CSMD1: variants seen among roughly 807,000 people sequenced by gnomAD.
The protein encoded by CSMD1 is CUB and sushi domain-containing protein 1.
CSMD1 carries 213 observed loss-of-function variants against 417.5 expected under a neutral mutation model. The ratio of observed to expected loss-of-function variants is 0.51; its 90% CI spans 0.46 to 0.57. CSMD1 has a LOEUF of 0.57. Ranked by LOEUF, CSMD1 falls within the 20% of genes least tolerant of loss-of-function variation. The pLI is 0.00. For synonymous variants in CSMD1, 2,862 were observed against 1,736.8 expected, an observed-to-expected ratio of 1.65 and a Z score of -16.11; for missense variants, 6,923 against 4,529.7, an observed-to-expected ratio of 1.53 and a Z score of -15.17.
intron 2 of CSMD1, among the ~76,000 whole-genome samples, chr8:4,422,124 G>C (rs972419261): frequency 6.6e-6 from 1 of 152,072 alleles, no homozygotes; most frequent in South Asian, 2.1e-4. Context: ...TTATCCTATA[G>C]CTATTAAAAC....
chr8:3,066,244 C>A (rs1038355555), intron 49 of CSMD1, among the ~76,000 whole-genome samples: 5 of 152,170 alleles, frequency 3.3e-5, no homozygotes, highest in Non-Finnish European at 5.9e-5. Context: ...TGAAGCATTT[C>A]AATATCCAAA....
intron 2 of CSMD1, among the ~76,000 whole-genome samples, chr8:4,431,453 C>A (rs549868165): frequency 6.6e-6 from 1 of 151,996 alleles, no homozygotes; most frequent in African/African-American, 2.4e-5. Flanking sequence ...AGCACACAGT[C>A]AGGAGAGGAG....
At chr8:4,944,778 C>A (rs1459810238) in intron 1 of CSMD1, among the ~76,000 whole-genome samples, 2 of 152,026 alleles carry the variant, frequency 1.3e-5, no homozygotes, top group African/African-American at 4.8e-5. Flanking sequence ...AAAGGGATGG[C>A]AAACCCGCTG....
At chr8:3,272,642 T>G (rs950193137) in intron 26 of CSMD1, among the ~76,000 whole-genome samples, 8 of 138,442 alleles carry the variant, frequency 5.8e-5, no homozygotes, top group Non-Finnish European at 9.4e-5. Context: ...GAAGAGGTCC[T>G]TCACATCCCT....
intron 11 of CSMD1, among the ~76,000 whole-genome samples, chr8:3,481,431 G>A (rs572472118): frequency 4.6e-5 from 7 of 152,080 alleles, no homozygotes; most frequent in Admixed American, 3.3e-4. Flanking sequence ...GGGGTAAAGG[G>A]CCCTAAATGC....
Position 3,064,043 on chromosome 8 carries a change from C to T in CSMD1, c.7475-11396G>A, listed in dbSNP as rs573387766. Among the ~76,000 whole-genome samples the T allele has an allele frequency of 5.9e-5, 9 of 152,294 alleles. 1 individual carries two copies. The South Asian group carries it at 1.4e-3, about 25-fold the overall frequency. On this transcript the variant is annotated intron_variant, in intron 49 of 69. Coordinates refer to ENST00000635120, the MANE Select transcript of CSMD1 (RefSeq NM_033225.6). ...ACATTAAGTCTTGCTGCACAATAGCCAATCAGTACTTTTCAATTTTCATTC... is the reference window on the plus strand; with the variant it reads ...ACATTAAGTCTTGCTGCACAATAGCTAATCAGTACTTTTCAATTTTCATTC...
At chr8:3,724,915 C>A (rs1440389955) in intron 6 of CSMD1, among the ~76,000 whole-genome samples, 1 of 152,220 alleles carries the variant, frequency 6.6e-6, no homozygotes, top group African/African-American at 2.4e-5. Flanking sequence ...TAAAGAAGCA[C>A]ATGCCCCACT....
chr8:4,171,277 T>C (rs937556450), intron 3 of CSMD1, among the ~76,000 whole-genome samples: 2 of 151,954 alleles, frequency 1.3e-5, no homozygotes, highest in African/African-American at 2.4e-5. Flanking sequence ...TTCATTCACC[T>C]GGCATTTATT....
intron 1 of CSMD1, among the ~76,000 whole-genome samples, chr8:4,882,737 T>G (rs9650520): frequency 6.6e-6 from 1 of 151,896 alleles, no homozygotes; most frequent in African/African-American, 2.4e-5. Flanking sequence ...TAATATGTTA[T>G]AATATTATAA....
chr8:4,678,494 G>T (rs115123535), intron 1 of CSMD1, among the ~76,000 whole-genome samples: 298 of 152,254 alleles, frequency 2.0e-3, no homozygotes, highest in African/African-American at 7.1e-3. Flanking sequence ...AACTACACAT[G>T]ATAGTTCTTG....
chr8:3,161,410 A>G (rs1335013624), intron 38 of CSMD1, among the ~76,000 whole-genome samples: 2 of 152,140 alleles, frequency 1.3e-5, no homozygotes, highest in Non-Finnish European at 2.9e-5. Context: ...TGAGGTCAGG[A>G]GTTCGAGACC....
chr8:4,110,908 G>C (rs1801818006), intron 3 of CSMD1, among the ~76,000 whole-genome samples: 1 of 152,168 alleles, frequency 6.6e-6, no homozygotes, highest in Middle Eastern at 3.4e-3. Context: ...GACATAAAGT[G>C]AGACAATGAC....
intron 25 of CSMD1, among the ~76,000 whole-genome samples, chr8:3,301,062 A>G (rs1353971009): frequency 6.6e-6 from 1 of 152,068 alleles, no homozygotes; most frequent in Non-Finnish European, 1.5e-5. Flanking sequence ...CACACAATAT[A>G]CATTGATACG....
At chr8:4,479,513 C>G (rs146160764) in intron 2 of CSMD1, among the ~76,000 whole-genome samples, 5 of 152,164 alleles carry the variant, frequency 3.3e-5, no homozygotes, top group African/African-American at 1.2e-4. Flanking sequence ...TTCATAAATA[C>G]CTTTGCCTCT....
intron 1 of CSMD1, among the ~76,000 whole-genome samples, chr8:4,654,248 T>C (rs1388206960): frequency 2.6e-5 from 4 of 152,128 alleles, no homozygotes; most frequent in Non-Finnish European, 2.9e-5. Flanking sequence ...GGAATTCAAT[T>C]TGAACAACAG....
intron 3 of CSMD1, among the ~76,000 whole-genome samples, chr8:4,322,836 A>C (rs1284942831): frequency 6.6e-6 from 1 of 152,114 alleles, no homozygotes; most frequent in East Asian, 1.9e-4. Context: ...CTCTCCTACA[A>C]ACACACAAAA....
At chr8:3,565,170 C>CAAAAAAAAAAAAAAAAA (rs1799647390) in intron 10 of CSMD1, among the ~76,000 whole-genome samples, 1 of 86,290 alleles carries the variant, frequency 1.2e-5, no homozygotes, top group Non-Finnish European at 2.3e-5. Context: ...AGAGAGAGAT[C>CAAAAAAAAAAAAAAAAA]AAGAAAGAAA....
intron 2 of CSMD1, among the ~76,000 whole-genome samples, chr8:4,457,474 G>C (rs543944267): frequency 6.6e-6 from 1 of 152,110 alleles, no homozygotes; most frequent in Admixed American, 6.5e-5. Flanking sequence ...TATTGGAAAA[G>C]ATTACCTGTA....
At chr8:3,183,271 C>G (rs1370269827) in intron 36 of CSMD1, 1 of 140,784 alleles carries the variant, frequency 7.1e-6, no homozygotes, top group Non-Finnish European at 1.6e-5. Context: ...AAACTGAACG[C>G]CTAATCTATC....
Sources: gnomAD v4.1 joint callset for allele counts (sites outside exome capture counted in the v4.1 genomes callset) on GRCh38, gnomAD v4.1.1 for gene constraint, MANE v1.5 for transcripts, NCBI Gene and HGNC (gene_info 2026-07-23, HGNC 2026-07-21) for gene names.